PVT1: variants seen among roughly 807,000 people sequenced by gnomAD.
The protein encoded by PVT1 is Pvt1 oncogene, also known as CXCR4/PVT1 fusion.
At chr8:127,942,416 C>A (rs1816364400) in intron 3 of PVT1, among the ~76,000 whole-genome samples, 1 of 152,202 alleles carries the variant, frequency 6.6e-6, no homozygotes, top group Non-Finnish European at 1.5e-5. Flanking sequence ...GCTTCTCCTG[C>A]AGGCAACTAC....
At chr8:128,049,675 G>A (rs1269035584) in intron 4 of PVT1, among the ~76,000 whole-genome samples, 1 of 151,932 alleles carries the variant, frequency 6.6e-6, no homozygotes, top group African/African-American at 2.4e-5. Flanking sequence ...CTGGCAGGAT[G>A]GGAAGGCAGG....
chr8:128,062,031 G>A (rs565834757), intron 4 of PVT1, among the ~76,000 whole-genome samples: 2 of 152,352 alleles, frequency 1.3e-5, no homozygotes, highest in South Asian at 2.1e-4. Flanking sequence ...GGCAGGCAAG[G>A]CCACGTGCAA....
intron 5 of PVT1, among the ~76,000 whole-genome samples, chr8:128,093,882 C>T (rs1225787476): frequency 2.0e-5 from 3 of 152,138 alleles, no homozygotes; most frequent in Non-Finnish European, 4.4e-5. Flanking sequence ...GTGATCTGCC[C>T]GCCTCAGCTT....
chr8:127,863,321 AG>A (rs1437756176), intron 2 of PVT1, among the ~76,000 whole-genome samples: 1 of 152,100 alleles, frequency 6.6e-6, no homozygotes, highest in African/African-American at 2.4e-5. Context: ...TATGTTGGCC[AG>A]GCTGGTCTCG....
At chr8:127,901,839 C>T (rs766745758) in intron 3 of PVT1, among the ~76,000 whole-genome samples, 4 of 151,496 alleles carry the variant, frequency 2.6e-5, no homozygotes, top group Admixed American at 6.6e-5. Flanking sequence ...TGAGCTCAAG[C>T]GATCCTCCTG....
At chr8:127,971,532 A>G (rs59448516) in intron 3 of PVT1, among the ~76,000 whole-genome samples, 6,308 of 152,272 alleles carry the variant, frequency 0.041, 426 homozygotes, top group African/African-American at 0.15. Context: ...CAGGGGCCCA[A>G]TAATATTTTT....
chr8:128,022,439 A>T (rs1264667533), intron 4 of PVT1, among the ~76,000 whole-genome samples: 1 of 152,230 alleles, frequency 6.6e-6, no homozygotes, highest in Non-Finnish European at 1.5e-5. Flanking sequence ...TAGGGTGAGG[A>T]TAGCTTCTGT....
At chr8:127,859,008 A>G (rs899671295) in intron 2 of PVT1, among the ~76,000 whole-genome samples, 1 of 151,612 alleles carries the variant, frequency 6.6e-6, no homozygotes, top group African/African-American at 2.4e-5. Context: ...GGGTCTTGCT[A>G]TGTTGCCCAG....
intron 3 of PVT1, among the ~76,000 whole-genome samples, chr8:127,952,424 T>G (rs746509994): frequency 6.6e-6 from 1 of 152,238 alleles, no homozygotes; most frequent in Non-Finnish European, 1.5e-5. Context: ...GTCTTAACAC[T>G]CACTGTCTCA....
intron 3 of PVT1, among the ~76,000 whole-genome samples, chr8:127,966,096 A>G (rs1035896817): frequency 2.0e-5 from 3 of 152,214 alleles, no homozygotes; most frequent in East Asian, 1.9e-4. Flanking sequence ...TAGAGTCCCT[A>G]TAAATGCTGG....
intron 3 of PVT1, among the ~76,000 whole-genome samples, chr8:127,954,989 G>A (rs535359371): frequency 2.7e-4 from 41 of 152,318 alleles, no homozygotes; most frequent in African/African-American, 9.6e-4. Context: ...AATACAGTAC[G>A]CATATCATAC....
chr8:128,042,462 A>G (rs1438693378), intron 4 of PVT1, among the ~76,000 whole-genome samples: 3 of 152,124 alleles, frequency 2.0e-5, no homozygotes, highest in African/African-American at 7.2e-5. Flanking sequence ...TAAGAACACC[A>G]CTTCCCCCCA....
At chr8:127,870,964 C>G (rs893420140) in intron 2 of PVT1, among the ~76,000 whole-genome samples, 5 of 152,200 alleles carry the variant, frequency 3.3e-5, no homozygotes, top group Non-Finnish European at 5.9e-5. Flanking sequence ...TTTCTGCCTC[C>G]TCCTCCTCCT....
chr8:127,844,753 G>T (rs1342773353), intron 2 of PVT1, among the ~76,000 whole-genome samples: 2 of 151,458 alleles, frequency 1.3e-5, no homozygotes, highest in African/African-American at 2.4e-5. Context: ...TCACTCTGTT[G>T]CCCAGGCTGG....
chr8:127,807,928 C>T (rs6994651), intron 2 of PVT1, among the ~76,000 whole-genome samples: 2,415 of 152,070 alleles, frequency 0.016, 55 homozygotes, highest in African/African-American at 0.054. Flanking sequence ...CTACCACGCC[C>T]GGTTAATTGT....
At chr8:128,096,978 A>G (rs1291753961) in intron 6 of PVT1, among the ~76,000 whole-genome samples, 1 of 152,172 alleles carries the variant, frequency 6.6e-6, no homozygotes, top group Non-Finnish European at 1.5e-5. Flanking sequence ...CTGGCCTAGA[A>G]ACTGCTTCCA....
chr8:127,964,061 T>C (rs937721120), intron 3 of PVT1, among the ~76,000 whole-genome samples: 1 of 152,240 alleles, frequency 6.6e-6, no homozygotes, highest in Non-Finnish European at 1.5e-5. Context: ...CGAAGGCTTA[T>C]TGCAGATGAA....
intron 4 of PVT1, among the ~76,000 whole-genome samples, chr8:128,011,399 T>C (rs6651248): frequency 0.66 from 100,558 of 151,862 alleles, 33,909 homozygotes; most frequent in African/African-American, 0.78. Context: ...AGGGTGGGGC[T>C]CTCGTGATGA....
rs74567599 is a variant in PVT1, at chr8:127,868,222, C to G, written n.373-22367C>G. The stretch of plus-strand genomic sequence containing the variant: ...GTTAGGGTCCACCTTAGCACTAGCT[C>G]TCTGAGCTATAAGGCCTCAGGGTCT... On this transcript the variant is annotated intron_variant and non_coding_transcript_variant, in intron 2 of 10. Coordinates refer to ENST00000651587, the Ensembl canonical transcript of PVT1. Among the ~76,000 whole-genome samples the G allele has an allele frequency of 2.1e-3, 322 of 152,240 alleles. 1 individual carries two copies. The highest frequency in any genetic ancestry group is 6.8e-3 in the African/African-American group (281 of 41,530).
Sources: gnomAD v4.1 joint callset for allele counts (sites outside exome capture counted in the v4.1 genomes callset) on GRCh38, gnomAD v4.1.1 for gene constraint, MANE v1.5 for transcripts, NCBI Gene and HGNC (gene_info 2026-07-23, HGNC 2026-07-21) for gene names.